Variants in MUC5B observed in about 807,000 individuals in gnomAD.
The protein encoded by MUC5B is mucin 5B, oligomeric mucus/gel-forming.
In MUC5B, 116 loss-of-function variants were observed where a neutral mutation model predicts 376.9. That is an observed-to-expected ratio of 0.31 (90% CI 0.26 to 0.36). The LOEUF (loss-of-function observed/expected upper bound fraction) is 0.36. Ranked by LOEUF, MUC5B falls within the 10% of genes least tolerant of loss-of-function variation. MUC5B has a pLI of 1.00. For missense variants in MUC5B, 7,165 were observed against 7,769.9 expected (o/e 0.92, Z 2.93); for synonymous variants, 3,517 against 3,390.9 (o/e 1.04, Z -1.29).
At position 1,246,427 on chromosome 11, in the gene MUC5B, G is replaced by T; in HGVS notation, c.9547G>T (p.Ala3183Ser). Residue 3183 changes from alanine to serine, a missense_variant, in exon 31 of 49, where the codon GCC becomes TCC. This residue lies in a region of MUC5B where 939 missense variants were observed against 770.6 expected (regional missense o/e 1.22). Transcript: ENST00000529681. Reference sequence around the variant, plus strand: ...GGTGCCCACCGGATCCACGGCCACCGCCTCCTCCACCCGGGCAACTGCTGG... The same window carrying T: ...GGTGCCCACCGGATCCACGGCCACCTCCTCCTCCACCCGGGCAACTGCTGG... ...VTVPTGSTATASSTRATAGTL... is the reference protein window; with the variant it reads ...VTVPTGSTATSSSTRATAGTL... The T allele has an allele frequency of 6.2e-7, 1 of 1,611,328 alleles. No individual in the cohort carries two copies. The highest frequency in any genetic ancestry group is 1.7e-4 in the Middle Eastern group (1 of 6,052).
At position 1,246,533 on chromosome 11, in the gene MUC5B, C is replaced by G. The variant is rs1376969026; in HGVS notation, c.9653C>G (p.Thr3218Ser). ...SRATPSSSPG[T>S]ATALPALRST... is the part of the protein sequence containing the mutation. ...GCCACTCCCTCCTCCAGTCCAGGGA[C>G]TGCAACCGCCCTTCCAGCACTGAGA... The change falls in exon 31 of 49, where the codon ACT becomes AGT. Residue 3218 changes from threonine to serine, a missense_variant. Around this residue, in one of 31 missense-constraint regions of MUC5B, gnomAD observed 939 missense variants for 770.6 expected, o/e 1.22. Coordinates refer to ENST00000529681, the MANE Select transcript of MUC5B (RefSeq NM_002458.3). 2.5e-6 allele frequency: 4 copies of G among 1,613,336 alleles called. No homozygotes were observed. The highest frequency in any genetic ancestry group is 3.4e-6 in the Non-Finnish European group (4 of 1,179,660).
At chr11:1,256,834 G>A in intron 39 of MUC5B, 63 bp downstream of exon 39, 1 of 1,333,250 alleles carries the variant, frequency 7.5e-7, no homozygotes, top group Non-Finnish European at 1.0e-6. Flanking sequence ...CACAGGGTGG[G>A]AGGAGCCGCC....
intron 17 of MUC5B, 74 bp downstream of exon 17, chr11:1,232,844 G>A (rs1003539517): frequency 5.4e-5 from 81 of 1,499,096 alleles, no homozygotes; most frequent in Non-Finnish European, 6.5e-5. Flanking sequence ...GGCAGCAGCC[G>A]TCACTCACAC....
Position 1,257,295 on chromosome 11 carries a change from C to T in MUC5B, c.16269+24C>T, listed in dbSNP as rs748929106. 6 of 783,314 alleles carry T rather than the reference C, an allele frequency of 7.7e-6. No homozygotes were observed. The highest frequency in any genetic ancestry group is 3.4e-5 in the African/African-American group (2 of 59,324). The allele number at this position is 783,314 out of a possible 1,614,324, so 48.5% of individuals were successfully genotyped here. A position where few individuals can be genotyped will look rare whatever the true frequency, so the allele number is the denominator to read the frequency against. ...TTGTGAGTGGCTCCACCCCCACCTGCCCTACCCCACCCTCTCGCGAGCTGA... is the reference window on the plus strand; with the variant it reads ...TTGTGAGTGGCTCCACCCCCACCTGTCCTACCCCACCCTCTCGCGAGCTGA... On this transcript the variant is annotated intron_variant, in intron 40 of 48. Coordinates refer to ENST00000529681, the MANE Select transcript of MUC5B (RefSeq NM_002458.3). The surrounding 1 kb of genome is among the most constrained non-coding windows in gnomAD (Gnocchi z 8.9).
Position 1,258,303 on chromosome 11 carries a change from C to G in MUC5B, c.16556-27C>G, listed in dbSNP as rs55914033. On this transcript the variant is annotated intron_variant, in intron 42 of 48. Coordinates refer to ENST00000529681, the MANE Select transcript of MUC5B (RefSeq NM_002458.3). This position sits in a 1 kb window ranked among gnomAD's most constrained non-coding sequence, Gnocchi z 5.5. ...GGAGCACATGCTCCCCACCACTTGTCGAGGGCTTAGCTCCCTTTCCTTCCA... is the reference window on the plus strand; with the variant it reads ...GGAGCACATGCTCCCCACCACTTGTGGAGGGCTTAGCTCCCTTTCCTTCCA... The G allele has an allele frequency of 6.2e-7, 1 of 1,610,542 alleles. No homozygotes were observed.
At chr11:1,227,960 TGCGTGTTCATCAGGCCAC>T in intron 7 of MUC5B, among the ~76,000 whole-genome samples, 179 bp downstream of exon 7, 1 of 152,178 alleles carries the variant, frequency 6.6e-6, no homozygotes, top group East Asian at 1.9e-4. Context: ...TGTGGTGACG[TGCGTGTTCATCAGGCCAC>T]GCGTGTGCCC....
At chr11:1,256,970 C>T (rs577360167) in intron 39 of MUC5B, among the ~76,000 whole-genome samples, 199 bp downstream of exon 39, 2 of 152,274 alleles carry the variant, frequency 1.3e-5, no homozygotes, top group African/African-American at 2.4e-5. Flanking sequence ...CCTGAAGCCC[C>T]ACAGGGAGGC....
chr11:1,256,870 TC>T, intron 39 of MUC5B, 99 bp downstream of exon 39: 1 of 951,726 alleles, frequency 1.1e-6, no homozygotes, highest in Non-Finnish European at 1.5e-6. Flanking sequence ...CTCTCCCCTC[TC>T]CCCAGCTGAC....
rs147103997 is a variant in MUC5B, at chr11:1,242,567, C to G, written c.5687C>G (p.Thr1896Arg). Residue 1896 changes from threonine to arginine, a missense_variant, in exon 31 of 49, where the codon ACG becomes AGG. By Grantham distance (71) the Thr-to-Arg change is moderately conservative (BLOSUM62 -1). This residue lies in a region of MUC5B where 897 missense variants were observed against 779.6 expected (regional missense o/e 1.15). Transcript: ENST00000529681. ...PSTPATSSTA[T>R]PSSTPGTTWI... ...ACCCCAGCCACCAGCTCCACGGCCA[C>G]GCCCTCCTCAACTCCGGGGACGACC... is the stretch of plus-strand genomic sequence containing the variant. 3.1e-6 allele frequency: 5 copies of G among 1,613,808 alleles called. No individual in the cohort carries two copies. In the African/African-American group the frequency reaches 5.3e-5, roughly 17 times the overall value.
chr11:1,235,522 TG>T lies in MUC5B; in HGVS notation c.2880+111del, dbSNP rs1564935436. ...CACCCACAGGTTCTCAGCAGTGTCC[TG>T]GCCCCGGGCTGCTGTTCCAAGCAGC... On this transcript the variant is annotated intron_variant, in intron 23 of 48. Coordinates refer to ENST00000529681, the MANE Select transcript of MUC5B (RefSeq NM_002458.3). 4.2e-6 allele frequency: 4 copies of T among 946,346 alleles called. No individual in the cohort carries two copies. The South Asian group carries it at 5.6e-5, about 13-fold the overall frequency. 58.6% of individuals were successfully genotyped at this position (946,346 alleles called of 1,614,324 possible). A position where few individuals can be genotyped will look rare whatever the true frequency, so the allele number is the denominator to read the frequency against.
At position 1,244,878 on chromosome 11, in the gene MUC5B, C is replaced by T. The variant is rs1263903137; in HGVS notation, c.7998C>T (p.Thr2666=). ...CCCCCACAGTGCTGACCACCACCAC[C>T]ACAACTGTGGCCACTGGTTCTATGG... ...THTPTVLTTT[T]TTVATGSMAT... Residue 2666 remains threonine, a synonymous_variant, in exon 31 of 49, where the codon ACC becomes ACT. Coordinates refer to ENST00000529681, the MANE Select transcript of MUC5B (RefSeq NM_002458.3). 2 of 1,612,986 alleles carry T rather than the reference C, an allele frequency of 1.2e-6. No homozygotes were observed. The highest frequency in any genetic ancestry group is 2.7e-5 in the African/African-American group (2 of 74,750).
At position 1,241,707 on chromosome 11, in the gene MUC5B, C is replaced by A; in HGVS notation, c.4827C>A (p.Thr1609=). 7 of 1,612,418 alleles carry A rather than the reference C, an allele frequency of 4.3e-6. No homozygotes were observed. The highest frequency in any genetic ancestry group is 5.9e-6 in the Non-Finnish European group (7 of 1,179,678). Residue 1609 remains threonine (T), a synonymous_variant, in exon 31 of 49, where the codon ACC becomes ACA. Coordinates refer to ENST00000529681, the MANE Select transcript of MUC5B (RefSeq NM_002458.3). ...SDDHCRGRAT[T]PPPTTELETA... ...ACCACTGCAGGGGACGTGCCACAAC[C>A]CCGCCACCGACCACAGAGCTGGAGA...
In MUC5B at chr11:1,241,821, C is replaced by A. The variant is rs375536595; in HGVS notation, c.4941C>A (p.Thr1647=). 1 of 1,613,024 alleles carries A rather than the reference C, an allele frequency of 6.2e-7. No homozygotes were observed. Among genetic ancestry groups the A allele is most frequent in the African/African-American group, 1.3e-5 (1 of 74,868 alleles). Residue 1647 remains threonine, a synonymous_variant, in exon 31 of 49, where the codon ACC becomes ACA. Transcript: ENST00000529681. ...PGLTRAPPAS[T]TAVPTLSEGL... ...TGACCAGGGCTCCCCCGGCCAGCAC[C>A]ACAGCAGTCCCCACCCTCTCAGAAG... is the stretch of plus-strand genomic sequence containing the variant.
chr11:1,245,933 C>G lies in MUC5B; in HGVS notation c.9053C>G (p.Thr3018Arg), dbSNP rs778341451. ...GCCATCCCGTCCTCCACCCCGGGAA[C>G]AGCTCCCCCTCCCAAAGTGCTGACC... ...STAIPSSTPGTAPPPKVLTST... is the reference protein window; with the variant it reads ...STAIPSSTPGRAPPPKVLTST... The change falls in exon 31 of 49, where the codon ACA becomes AGA. Residue 3018 changes from threonine to arginine, a missense_variant. Physicochemically the swap from Thr to Arg is moderately conservative, Grantham distance 71. Transcript: ENST00000529681. 5.6e-6 allele frequency: 9 copies of G among 1,613,096 alleles called. No homozygotes were observed. Among genetic ancestry groups the G allele is most frequent in the South Asian group, 2.2e-5 (2 of 91,050 alleles).
chr11:1,242,463 C>G lies in MUC5B; in HGVS notation c.5583C>G (p.Asp1861Glu), dbSNP rs1862312288. ...LETGLTCKNEDQTGRFNMCFN... is the reference protein window; with the variant it reads ...LETGLTCKNEEQTGRFNMCFN... ...CGGGGCTGACCTGCAAGAACGAAGA[C>G]CAGACAGGCAGGTTCAACATGTGCT... Residue 1861 changes from aspartate (D) to glutamate (E), a missense_variant, in exon 31 of 49, where the codon GAC becomes GAG. This residue lies in a region of MUC5B where 897 missense variants were observed against 779.6 expected (regional missense o/e 1.15). Coordinates refer to ENST00000529681, the MANE Select transcript of MUC5B (RefSeq NM_002458.3). 2.5e-6 allele frequency: 4 copies of G among 1,613,648 alleles called. No individual in the cohort carries two copies. The highest frequency in any genetic ancestry group is 1.3e-5 in the African/African-American group (1 of 74,848).
intron 3 of MUC5B, 97 bp from the exon 4 acceptor site, chr11:1,226,518 G>A: frequency 6.8e-6 from 10 of 1,475,482 alleles, no homozygotes; most frequent in Non-Finnish European, 9.1e-6. Context: ...GCCGACCATG[G>A]GCTTTTCCAT....
At chr11:1,256,581 C>A in intron 38 of MUC5B, 90 bp from the exon 39 acceptor site, 3 of 759,738 alleles carry the variant, frequency 3.9e-6, no homozygotes, top group African/African-American at 1.8e-5. Flanking sequence ...TCCTTCCCTG[C>A]TCCCCACTGC....
rs1225773313 is a variant in MUC5B, at chr11:1,242,352, A to G, written c.5472A>G (p.Ala1824=). 5.0e-6 allele frequency: 8 copies of G among 1,613,866 alleles called. No homozygotes were observed. Among genetic ancestry groups the G allele is most frequent in the Non-Finnish European group, 6.8e-6 (8 of 1,179,846 alleles). ...IRAAGGKMCW[A]PKSIECRAEN... ...CTGCTGGGGGCAAGATGTGCTGGGC[A>G]CCAAAGAGCATAGAGTGCCGGGCGG... is the stretch of plus-strand genomic sequence containing the variant. Residue 1824 remains alanine, a synonymous_variant, in exon 31 of 49, where the codon GCA becomes GCG. Transcript: ENST00000529681.
chr11:1,241,756 G>C lies in MUC5B; in HGVS notation c.4876G>C (p.Ala1626Pro). The C allele has an allele frequency of 1.2e-6, 2 of 1,612,130 alleles. No individual in the cohort carries two copies. The highest frequency in any genetic ancestry group is 1.7e-6 in the Non-Finnish European group (2 of 1,179,404). ...LETATTTTTQ[A>P]LFSTPQPTSS... ...GACGGCCACCACCACCACCACCCAG[G>C]CCCTGTTCTCAACGCCGCAGCCTAC... is the stretch of plus-strand genomic sequence containing the variant. The change falls in exon 31 of 49, where the codon GCC (alanine) becomes CCC (proline). Residue 1626 changes from alanine (A) to proline (P), a missense_variant. Around this residue, in one of 31 missense-constraint regions of MUC5B, gnomAD observed 897 missense variants for 779.6 expected, o/e 1.15. Coordinates refer to ENST00000529681, the MANE Select transcript of MUC5B (RefSeq NM_002458.3).
Sources: allele counts gnomAD v4.1 joint callset (sites outside exome capture counted in the v4.1 genomes callset), GRCh38; gene constraint gnomAD v4.1.1; regional missense constraint gnomAD v4.1.1; non-coding constraint Gnocchi (gnomAD v3.1); transcripts MANE v1.5; gene names NCBI Gene and HGNC (gene_info 2026-07-23, HGNC 2026-07-21).